The following SYNE2 variants were observed in gnomAD, a reference collection of about 807,000 sequenced individuals.
SYNE2 encodes the protein nesprin-2.
A neutral mutation model predicts 856.3 loss-of-function variants in SYNE2; 431 were observed. The observed-to-expected ratio is 0.50, with a 90% confidence interval of 0.47 to 0.55. SYNE2 has a LOEUF of 0.55. SYNE2 is among the 20% of genes least tolerant of loss of function. The probability of loss-of-function intolerance (pLI) is 0.00; values close to 1 mark genes in which losing one functional copy is unlikely to be tolerated. For missense variants in SYNE2, 8,129 were observed against 8,023.2 expected (o/e 1.01, Z -0.50); for synonymous variants, 2,923 against 2,872.3 (o/e 1.02, Z -0.56).
chr14:63,775,873 G>T (rs903337357), intron 1 of SYNE2, among the ~76,000 whole-genome samples: 2 of 152,214 alleles, frequency 1.3e-5, no homozygotes, highest in East Asian at 3.9e-4. Context: ...AAAAAACTAG[G>T]CTTCTTCTCA....
chr14:64,219,065 C>G, intron 109 of SYNE2, 143 bp from the exon 110 acceptor site: 2 of 758,832 alleles, frequency 2.6e-6, no homozygotes, highest in Non-Finnish European at 2.1e-6. Context: ...ACTCCCAAAA[C>G]CAGACCCTTC....
rs778143151 is a variant in SYNE2 at position 64,223,182 on chromosome 14, T to A, written c.20191-7T>A. 1.4e-5 allele frequency: 22 copies of A among 1,613,276 alleles called. No individual in the cohort carries two copies. Among genetic ancestry groups the A allele is most frequent in the Admixed American group, 1.7e-5 (1 of 59,994 alleles). The stretch of plus-strand genomic sequence containing the variant: ...GTCACTGTTTCACACACTTTATCTG[T>A]TTTCAGCAACTGGAAAAGGAGCTGG... On this transcript the variant is annotated splice_polypyrimidine_tract_variant and splice_region_variant and intron_variant, in intron 112 of 115. Transcript: ENST00000555002.
intron 43 of SYNE2, among the ~76,000 whole-genome samples, chr14:64,028,185 G>C (rs768385305): frequency 6.6e-6 from 1 of 151,990 alleles, no homozygotes; most frequent in Admixed American, 6.6e-5. Flanking sequence ...GACTACAGAC[G>C]TGAGCCACAC....
At chr14:64,100,522 AAAAAAAAAAATAT>A (rs1198676857) in intron 63 of SYNE2, among the ~76,000 whole-genome samples, 1 of 72,864 alleles carries the variant, frequency 1.4e-5, no homozygotes, top group Non-Finnish European at 2.4e-5. Context: ...CTCAAAAAAA[AAAAAAAAAAATAT>A]ATATATATAT....
At chr14:64,101,906 T>G (rs1322069361) in intron 63 of SYNE2, 26 bp from the exon 64 acceptor site, 1 of 1,570,340 alleles carries the variant, frequency 6.4e-7, no homozygotes, top group South Asian at 1.1e-5. Flanking sequence ...CTCTTCCCTT[T>G]GCTAACCAAT....
intron 1 of SYNE2, among the ~76,000 whole-genome samples, chr14:63,785,941 A>G (rs185282293): frequency 6.6e-6 from 1 of 152,152 alleles, no homozygotes; most frequent in East Asian, 1.9e-4. Context: ...CCCCATCTAT[A>G]CAACCAAAAT....
chr14:64,172,525 C>G (rs1193289866), intron 94 of SYNE2, among the ~76,000 whole-genome samples: 1 of 152,132 alleles, frequency 6.6e-6, no homozygotes, highest in Non-Finnish European at 1.5e-5. Flanking sequence ...AGATTCTTAT[C>G]CCGAGAACAA....
rs79669523 is a variant in SYNE2, at chr14:64,019,502, G to A, written c.5050-490G>A. On this transcript the variant is annotated intron_variant, in intron 34 of 115. Coordinates refer to ENST00000555002, the MANE Select transcript of SYNE2 (RefSeq NM_182914.3). ...CTGGATAAATGATAATAGGTATTAAGTGAAACTATGATTTTCTAAGTATAA... is the reference window on the plus strand; with the variant it reads ...CTGGATAAATGATAATAGGTATTAAATGAAACTATGATTTTCTAAGTATAA... 2.3e-3 allele frequency among the ~76,000 whole-genome samples: 348 copies of A among 152,274 alleles called. 5 individuals carry two copies. The highest frequency in any genetic ancestry group is 0.015 in the South Asian group (74 of 4,822).
chr14:64,010,239 A>G (rs749398964), intron 32 of SYNE2, 123 bp downstream of exon 32: 82 of 1,056,264 alleles, frequency 7.8e-5, no homozygotes, highest in African/African-American at 1.1e-4. Context: ...TAGTGACCCT[A>G]TTTTACCAGG....
At chr14:64,192,963 T>G (rs979262116) in intron 99 of SYNE2, among the ~76,000 whole-genome samples, 2 of 152,204 alleles carry the variant, frequency 1.3e-5, no homozygotes, top group African/African-American at 2.4e-5. Flanking sequence ...ATTGTTCAGG[T>G]GAATCTGTGG....
intron 1 of SYNE2, among the ~76,000 whole-genome samples, chr14:63,839,827 A>T (rs1466812917): frequency 6.6e-6 from 1 of 152,246 alleles, no homozygotes; most frequent in Non-Finnish European, 1.5e-5. Context: ...ACATTATTCC[A>T]CACCCTGAAG....
chr14:64,181,101 T>C (rs1484358184), intron 96 of SYNE2, among the ~76,000 whole-genome samples: 1 of 136,150 alleles, frequency 7.3e-6, no homozygotes, highest in Admixed American at 7.0e-5. Flanking sequence ...TTTAATATAC[T>C]TTTTTTTTTC....
chr14:64,070,712 A>C lies in SYNE2; in HGVS notation c.10499A>C (p.Glu3500Ala), dbSNP rs1460330396. ...EELPEISKTK[E>A]AATTEELSEL... ...CTCCCTGAAATTTCCAAAACAAAAG[A>C]GGCAGCCACCACAGAGGAACTCTCT... is the stretch of plus-strand genomic sequence containing the variant. The change falls in exon 52 of 116, where the codon GAG (glutamate) becomes GCG (alanine). Residue 3500 changes from glutamate (E) to alanine (A), a missense_variant. This residue lies in a region of SYNE2 where 5,410 missense variants were observed against 5,284.8 expected (regional missense o/e 1.02). Coordinates refer to ENST00000555002, the MANE Select transcript of SYNE2 (RefSeq NM_182914.3). The C allele has an allele frequency of 6.2e-7, 1 of 1,614,120 alleles. No individual in the cohort carries two copies. Among genetic ancestry groups the C allele is most frequent in the Non-Finnish European group, 8.5e-7 (1 of 1,180,012 alleles).
chr14:63,797,504 T>A (rs1417645814), intron 1 of SYNE2, among the ~76,000 whole-genome samples: 1 of 151,722 alleles, frequency 6.6e-6, no homozygotes, highest in African/African-American at 2.4e-5. Context: ...TAAAAACAGA[T>A]GCAACCTGCT....
In SYNE2 at chr14:64,070,764, T is replaced by C. The variant is rs372207093; in HGVS notation, c.10551T>C (p.Tyr3517=). ...LSELLDCLCQ[Y]GENVEKQQLL... Reference sequence around the variant, plus strand: ...AGCTGCTAGACTGTTTATGCCAATATGGAGAGAACGTGGAGAAGCAACAGC... The same window carrying C: ...AGCTGCTAGACTGTTTATGCCAATACGGAGAGAACGTGGAGAAGCAACAGC... Residue 3517 remains tyrosine (Y), a synonymous_variant, in exon 52 of 116, where the codon TAT becomes TAC. Coordinates refer to ENST00000555002, the MANE Select transcript of SYNE2 (RefSeq NM_182914.3). The C allele has an allele frequency of 5.6e-6, 9 of 1,614,088 alleles. No individual in the cohort carries two copies. The highest frequency in any genetic ancestry group is 5.3e-5 in the African/African-American group (4 of 74,936).
chr14:64,017,533 A>G, intron 33 of SYNE2, 62 bp from the exon 34 acceptor site: 1 of 1,353,828 alleles, frequency 7.4e-7, no homozygotes, highest in Non-Finnish European at 1.1e-6. Flanking sequence ...TGTTTGGCTG[A>G]AACAGTGGTT....
intron 28 of SYNE2, among the ~76,000 whole-genome samples, chr14:64,001,174 C>G (rs755987495): frequency 5.9e-5 from 9 of 152,156 alleles, no homozygotes; most frequent in African/African-American, 2.2e-4. Context: ...TACCTATGGT[C>G]ACACATTTCA....
intron 70 of SYNE2, 83 bp from the exon 71 acceptor site, chr14:64,124,996 C>A: frequency 1.3e-6 from 2 of 1,561,852 alleles, no homozygotes; most frequent in South Asian, 1.2e-5. Flanking sequence ...GAGCAAGACT[C>A]CATCTCGAAA....
intron 84 of SYNE2, among the ~76,000 whole-genome samples, chr14:64,150,500 C>T (rs1247647473): frequency 3.3e-5 from 5 of 151,862 alleles, no homozygotes; most frequent in Non-Finnish European, 5.9e-5. Flanking sequence ...GGATTACAGG[C>T]GTGAGCCACT....
Sources: allele counts gnomAD v4.1 joint callset (sites outside exome capture counted in the v4.1 genomes callset), GRCh38; gene constraint gnomAD v4.1.1; regional missense constraint gnomAD v4.1.1; transcripts MANE v1.5; gene names NCBI Gene and HGNC (gene_info 2026-07-23, HGNC 2026-07-21).